Variants in PIAS2 observed in about 807,000 individuals in gnomAD.
The protein encoded by PIAS2 is protein inhibitor of activated STAT 2, also known as E3 SUMO-protein ligase PIAS2.
In PIAS2, 19 loss-of-function variants were observed where a neutral mutation model predicts 69.7. The observed-to-expected ratio is 0.27, with a 90% confidence interval of 0.19 to 0.40. PIAS2 has a LOEUF of 0.40. Among genes scored for constraint, PIAS2 ranks in the 10% least tolerant of loss-of-function variants. The pLI, the probability that PIAS2 is intolerant of heterozygous loss-of-function variation, is 1.00. For synonymous variants in PIAS2, 261 were observed against 263.2 expected (o/e 0.99, Z 0.08); for missense variants, 624 against 757.0 (o/e 0.82, Z 2.06).
chr18:46,903,976 G>C (rs2056246692), intron 1 of PIAS2: 4 of 152,166 alleles, frequency 2.6e-5, no homozygotes, highest in Admixed American at 2.0e-4. Flanking sequence ...GTTATCCACT[G>C]TGTGATTCTA....
rs2041744103 is a variant in PIAS2, at chr18:46,817,999, T to A, written c.1649-2650A>T. The stretch of plus-strand genomic sequence containing the variant: ...AGCGTGTCATACTGATATATTTTTA[T>A]GCCCTCCGAAGTATTTCATGGTTGA... On this transcript the variant is annotated intron_variant, in intron 12 of 13. Coordinates refer to ENST00000585916, the MANE Select transcript of PIAS2 (RefSeq NM_004671.5). 1.6e-5 allele frequency: 16 copies of A among 986,712 alleles called. No individual in the cohort carries two copies. In the South Asian group the frequency reaches 4.7e-4, roughly 29 times the overall value. The allele number at this position is 986,712 out of a possible 1,614,324, so 61.1% of individuals were successfully genotyped here. A position where few individuals can be genotyped will look rare whatever the true frequency, so the allele number is the denominator to read the frequency against.
At chr18:46,853,259 C>G (rs555557187) in intron 5 of PIAS2, 8 of 141,498 alleles carry the variant, frequency 5.7e-5, no homozygotes, top group Non-Finnish European at 1.2e-4. Flanking sequence ...CCAGCCTGGG[C>G]AACAGACCTG....
intron 3 of PIAS2, among the ~76,000 whole-genome samples, chr18:46,859,287 G>T (rs1019317047): frequency 6.6e-6 from 1 of 152,022 alleles, no homozygotes; most frequent in Non-Finnish European, 1.5e-5. Context: ...AATTAGCCAG[G>T]CGTGGTGGTG....
At chr18:46,873,919 G>A (rs915366605) in intron 2 of PIAS2, among the ~76,000 whole-genome samples, 1 of 151,984 alleles carries the variant, frequency 6.6e-6, no homozygotes, top group Admixed American at 6.6e-5. Context: ...CTCCCCCGCT[G>A]AAAAGGAGAA....
chr18:46,874,738 C>T (rs1183927272), intron 2 of PIAS2, among the ~76,000 whole-genome samples: 1 of 152,208 alleles, frequency 6.6e-6, no homozygotes, highest in Non-Finnish European at 1.5e-5. Context: ...GAGTTACATA[C>T]TTAGTCTGTC....
intron 8 of PIAS2, among the ~76,000 whole-genome samples, chr18:46,838,815 T>C (rs551534366): frequency 6.6e-6 from 1 of 152,324 alleles, no homozygotes; most frequent in East Asian, 1.9e-4. Context: ...ACACAGCTGA[T>C]GGAGCTATAT....
intron 11 of PIAS2, among the ~76,000 whole-genome samples, chr18:46,822,937 T>G (rs1266864879): frequency 6.6e-6 from 1 of 152,110 alleles, no homozygotes; most frequent in Non-Finnish European, 1.5e-5. Context: ...AAAAAGTTTC[T>G]ACTTAAGAGT....
intron 13 of PIAS2, among the ~76,000 whole-genome samples, chr18:46,814,803 G>C (rs1380625454): frequency 6.6e-6 from 1 of 152,114 alleles, no homozygotes; most frequent in Middle Eastern, 3.2e-3. Context: ...CGAGCTACTA[G>C]GGTTTCTCAT....
chr18:46,904,113 G>A (rs1170558771), intron 1 of PIAS2: 3 of 152,036 alleles, frequency 2.0e-5, no homozygotes, highest in African/African-American at 7.2e-5. Context: ...TTGGAGAGAG[G>A]GATCCTTGTG....
At chr18:46,846,470 T>C (rs2046177570) in intron 6 of PIAS2, 2 of 322,848 alleles carry the variant, frequency 6.2e-6, no homozygotes, top group Non-Finnish European at 1.1e-5. Flanking sequence ...CCTTAAGAAA[T>C]ATAAATATGC....
intron 11 of PIAS2, among the ~76,000 whole-genome samples, chr18:46,824,737 T>C (rs762788195): frequency 6.6e-6 from 1 of 151,890 alleles, no homozygotes; most frequent in Non-Finnish European, 1.5e-5. Flanking sequence ...TGGTGGCTTA[T>C]GCATTTTGTA....
intron 2 of PIAS2, among the ~76,000 whole-genome samples, chr18:46,871,733 A>T (rs1307860749): frequency 1.3e-5 from 2 of 152,132 alleles, no homozygotes; most frequent in Non-Finnish European, 2.9e-5. Context: ...GTGAAAGGAG[A>T]AAGGTTTAAA....
intron 1 of PIAS2, among the ~76,000 whole-genome samples, chr18:46,905,274 C>T (rs896440446): frequency 1.3e-5 from 2 of 151,962 alleles, no homozygotes; most frequent in Non-Finnish European, 2.9e-5. Flanking sequence ...TTAAATAGCT[C>T]ATAAGTTAAA....
intron 2 of PIAS2, among the ~76,000 whole-genome samples, chr18:46,880,496 C>T (rs1043711487): frequency 6.6e-6 from 1 of 152,168 alleles, no homozygotes; most frequent in African/African-American, 2.4e-5. Context: ...GCAGGAGGTT[C>T]ACTTGAGGCC....
At chr18:46,919,201 A>G (rs1189744006), upstream of PIAS2, among the ~76,000 whole-genome samples, 2 of 151,614 alleles carry the variant, frequency 1.3e-5, no homozygotes, top group Non-Finnish European at 2.9e-5. Context: ...AAATACAAAA[A>G]TTAGGCCAGG....
chr18:46,875,601 C>A (rs940292421), intron 2 of PIAS2, among the ~76,000 whole-genome samples: 3 of 152,124 alleles, frequency 2.0e-5, no homozygotes, highest in African/African-American at 7.2e-5. Flanking sequence ...ACACTTTCCC[C>A]AAACATATCA....
chr18:46,870,278 T>C (rs1789151), intron 2 of PIAS2, among the ~76,000 whole-genome samples: 150,327 of 152,206 alleles, frequency 0.99, 74,239 homozygotes, highest in East Asian at 1. Flanking sequence ...GAATCGGCTT[T>C]GTAAATGCTC....
chr18:46,868,608 G>C (rs910235108), intron 2 of PIAS2, among the ~76,000 whole-genome samples: 2 of 152,136 alleles, frequency 1.3e-5, no homozygotes, highest in Non-Finnish European at 2.9e-5. Context: ...GAGATTAACC[G>C]TGTTAGGGAT....
At chr18:46,883,892 A>T (rs577465395) in intron 2 of PIAS2, among the ~76,000 whole-genome samples, 1 of 152,282 alleles carries the variant, frequency 6.6e-6, no homozygotes, top group Non-Finnish European at 1.5e-5. Context: ...TGTGGGTCCC[A>T]GCAACTTGGA....
Sources: allele counts gnomAD v4.1 joint callset (sites outside exome capture counted in the v4.1 genomes callset), GRCh38; gene constraint gnomAD v4.1.1; transcripts MANE v1.5; gene names NCBI Gene and HGNC (gene_info 2026-07-23, HGNC 2026-07-21).